Variants in GPD2 observed in about 807,000 individuals in gnomAD.
GPD2 encodes the protein glycerol-3-phosphate dehydrogenase, mitochondrial.
GPD2 carries 54 observed loss-of-function variants against 82.4 expected under a neutral mutation model. That is an observed-to-expected ratio of 0.66 (90% CI 0.53 to 0.82). The LOEUF (loss-of-function observed/expected upper bound fraction) is 0.82. Ranked by LOEUF, GPD2 falls within the 40% of genes least tolerant of loss-of-function variation. The pLI is 0.00. For missense variants in GPD2, 748 were observed against 896.2 expected (o/e 0.83, Z 2.11); for synonymous variants, 288 against 306.1 (o/e 0.94, Z 0.62).
In GPD2 at chr2:156,570,073, C is replaced by A. The variant is rs772810389; in HGVS notation, c.1477-14C>A. On this transcript the variant is annotated splice_polypyrimidine_tract_variant and intron_variant, in intron 11 of 16. Coordinates refer to ENST00000438166, the MANE Select transcript of GPD2 (RefSeq NM_000408.5). The stretch of plus-strand genomic sequence containing the variant: ...TATTCAAAGTGCCTGCCTAACGCAG[C>A]TTTATTTCTCTAGGTGGCACAGCAT... 8 of 1,610,254 alleles carry A rather than the reference C, an allele frequency of 5.0e-6. No homozygotes were observed. The highest frequency in any genetic ancestry group is 6.8e-6 in the Non-Finnish European group (8 of 1,178,450).
At chr2:156,514,409 C>T (rs1215830915) in intron 6 of GPD2, among the ~76,000 whole-genome samples, 1 of 151,332 alleles carries the variant, frequency 6.6e-6, no homozygotes, top group East Asian at 1.9e-4. Flanking sequence ...CCTCAGTGAG[C>T]CCCCCACCCC....
chr2:156,433,856 G>C (rs190827170), upstream of GPD2, among the ~76,000 whole-genome samples: 1 of 152,286 alleles, frequency 6.6e-6, no homozygotes, highest in Admixed American at 6.5e-5. Flanking sequence ...GAGTACAAAA[G>C]TGAGTAACTG....
intron 1 of GPD2, among the ~76,000 whole-genome samples, chr2:156,437,432 C>T (rs1019063332): frequency 6.6e-6 from 1 of 152,172 alleles, no homozygotes; most frequent in Non-Finnish European, 1.5e-5. Flanking sequence ...AGTCCCAGTC[C>T]TACAGTTCTT....
chr2:156,475,548 T>C (rs1391232361), intron 1 of GPD2, among the ~76,000 whole-genome samples: 1 of 152,152 alleles, frequency 6.6e-6, no homozygotes, highest in Non-Finnish European at 1.5e-5. Flanking sequence ...CTTTCAATAA[T>C]AGAAATATAA....
chr2:156,552,894 C>CT (rs771404828), intron 8 of GPD2, among the ~76,000 whole-genome samples: 2,350 of 107,288 alleles, frequency 0.022, 66 homozygotes, highest in African/African-American at 0.054. Context: ...TTCCTTATAT[C>CT]TTTTTTTTTT....
intron 5 of GPD2, among the ~76,000 whole-genome samples, chr2:156,513,053 T>TAGG (rs1470765139): frequency 6.6e-6 from 1 of 152,168 alleles, no homozygotes; most frequent in African/African-American, 2.4e-5. Flanking sequence ...GTATGAGGCT[T>TAGG]AGGCATCAGT....
chr2:156,528,337 G>C (rs929461370), intron 6 of GPD2, among the ~76,000 whole-genome samples: 2 of 151,482 alleles, frequency 1.3e-5, no homozygotes, highest in Non-Finnish European at 2.9e-5. Context: ...GGTAAAATTG[G>C]TATTTTCATT....
At chr2:156,419,514 T>C in the GPD2 span, among the ~76,000 whole-genome samples, 7 of 152,384 alleles carry the variant, frequency 4.6e-5, no homozygotes, top group Admixed American at 2.6e-4. Flanking sequence ...CTGGTGGCTT[T>C]ACATTTATCT....
intron 8 of GPD2, among the ~76,000 whole-genome samples, chr2:156,551,611 G>T (rs75305768): frequency 6.6e-6 from 1 of 152,092 alleles, no homozygotes; most frequent in Non-Finnish European, 1.5e-5. Flanking sequence ...ATTGTTTGTA[G>T]TTGAGAAATA....
At chr2:156,527,385 A>G (rs1256331153) in intron 6 of GPD2, among the ~76,000 whole-genome samples, 1 of 152,132 alleles carries the variant, frequency 6.6e-6, no homozygotes, top group Non-Finnish European at 1.5e-5. Context: ...AACTAGTTTC[A>G]TTATTACTAT....
chr2:156,507,539 G>C (rs139284149), intron 3 of GPD2, among the ~76,000 whole-genome samples: 2,110 of 152,024 alleles, frequency 0.014, 22 homozygotes, highest in Non-Finnish European at 0.023. Flanking sequence ...GTCTAGGCTG[G>C]TCTTGAACTC....
In GPD2 at chr2:156,549,662, A is replaced by G; in HGVS notation, c.716A>G (p.Tyr239Cys). Reference sequence around the variant, plus strand: ...GCCATTGCTCTGACTGCTGCCAGGTATGGGGCTGCCACAGCCAATTACATG... The same window carrying G: ...GCCATTGCTCTGACTGCTGCCAGGTGTGGGGCTGCCACAGCCAATTACATG... ...NLAIALTAARYGAATANYMEV... is the reference protein window; with the variant it reads ...NLAIALTAARCGAATANYMEV... The change falls in exon 7 of 17, where the codon TAT (tyrosine) becomes TGT (cysteine). Residue 239 changes from tyrosine to cysteine, a missense_variant. Tyr to Cys is a radical substitution (Grantham distance 194, BLOSUM62 -2). Transcript: ENST00000438166. 1 of 1,613,884 alleles carries G rather than the reference A, an allele frequency of 6.2e-7. No individual in the cohort carries two copies. The highest frequency in any genetic ancestry group is 1.7e-4 in the Middle Eastern group (1 of 6,060).
At chr2:156,463,830 A>T (rs1434368155) in intron 1 of GPD2, among the ~76,000 whole-genome samples, 1 of 152,034 alleles carries the variant, frequency 6.6e-6, no homozygotes, top group Non-Finnish European at 1.5e-5. Context: ...CGAACCCTTT[A>T]TTTTCTCTAT....
At chr2:156,575,366 T>A (rs952969852) in intron 13 of GPD2, among the ~76,000 whole-genome samples, 2 of 151,412 alleles carry the variant, frequency 1.3e-5, no homozygotes, top group African/African-American at 4.9e-5. Flanking sequence ...TTAGGCAAAA[T>A]CATTTCAGAT....
At chr2:156,400,815 C>T in the GPD2 span, among the ~76,000 whole-genome samples, 5 of 152,182 alleles carry the variant, frequency 3.3e-5, no homozygotes, top group Non-Finnish European at 7.4e-5. Context: ...TGTGTGAGGT[C>T]CCGGGTTCAA....
chr2:156,456,752 T>C (rs763613709), intron 1 of GPD2, among the ~76,000 whole-genome samples: 2 of 151,978 alleles, frequency 1.3e-5, no homozygotes, highest in Non-Finnish European at 2.9e-5. Flanking sequence ...GTCACTCTTT[T>C]GTGTAGATGG....
chr2:156,493,796 C>A (rs1455407743), intron 2 of GPD2, among the ~76,000 whole-genome samples: 1 of 152,054 alleles, frequency 6.6e-6, no homozygotes, highest in East Asian at 1.9e-4. Flanking sequence ...CAAGTCCTAC[C>A]CATCTGTCCT....
At chr2:156,483,141 A>G (rs1250698351) in intron 2 of GPD2, among the ~76,000 whole-genome samples, 1 of 152,128 alleles carries the variant, frequency 6.6e-6, no homozygotes, top group Non-Finnish European at 1.5e-5. Context: ...ACAAAAAACA[A>G]AAATAACAAA....
At chr2:156,447,600 G>A (rs1048173886) in intron 1 of GPD2, among the ~76,000 whole-genome samples, 1 of 152,208 alleles carries the variant, frequency 6.6e-6, no homozygotes, top group African/African-American at 2.4e-5. Flanking sequence ...CTCCCAAAGT[G>A]CTGGGATTAC....
Sources: gnomAD v4.1 joint callset for allele counts (sites outside exome capture counted in the v4.1 genomes callset) on GRCh38, gnomAD v4.1.1 for gene constraint, MANE v1.5 for transcripts, NCBI Gene and HGNC (gene_info 2026-07-23, HGNC 2026-07-21) for gene names.